The following BAZ2A variants were observed in gnomAD, a reference collection of about 807,000 sequenced individuals.
BAZ2A encodes the protein bromodomain adjacent to zinc finger domain 2A.
In BAZ2A, 34 loss-of-function variants were observed where a neutral mutation model predicts 199.9. The observed-to-expected ratio is 0.17, with a 90% CI of 0.13 to 0.23. BAZ2A has a LOEUF of 0.23. BAZ2A is among the 10% of genes least tolerant of loss of function. The pLI is 1.00. For missense variants in BAZ2A, 2,002 were observed against 2,391.1 expected (o/e 0.84, Z 3.39); for synonymous variants, 857 against 883.9 (o/e 0.97, Z 0.54).
At chr12:56,630,349 A>G, upstream of BAZ2A, 2 of 907,310 alleles carry the variant, frequency 2.2e-6, no homozygotes, top group Non-Finnish European at 2.6e-6. Context: ...GAGGGGGCGG[A>G]GAAGCCTCGG....
rs1389002371 is a variant in BAZ2A at position 56,597,905 on chromosome 12, G to C, written c.*713C>G. On this transcript the variant is annotated 3_prime_UTR_variant, in exon 29 of 29. Coordinates refer to ENST00000549884, the MANE Select transcript of BAZ2A (RefSeq NM_001300905.2). ...CAACATCATACAGGGGATAGCTATC[G>C]GCAGGAAGATGGGGACAGAAGACAG... 1.3e-5 allele frequency: 2 copies of C among 152,614 alleles called. No homozygotes were observed. The highest frequency in any genetic ancestry group is 4.8e-5 in the African/African-American group (2 of 41,430). 9.5% of individuals were successfully genotyped at this position (152,614 alleles called of 1,614,324 possible).
chr12:56,619,508 C>CAAAAAAAAAA (rs397850754), intron 1 of BAZ2A, among the ~76,000 whole-genome samples: 3 of 84,746 alleles, frequency 3.5e-5, no homozygotes, highest in Non-Finnish European at 4.7e-5. Context: ...GACCCTGTCT[C>CAAAAAAAAAA]AAAAAAAAAA....
intron 3 of BAZ2A, among the ~76,000 whole-genome samples, chr12:56,614,568 A>G (rs190005716): frequency 6.6e-6 from 1 of 152,326 alleles, no homozygotes; most frequent in African/African-American, 2.4e-5. Flanking sequence ...GTAGACAAAT[A>G]ATGATATGCT....
intron 1 of BAZ2A, among the ~76,000 whole-genome samples, chr12:56,625,106 A>G (rs1026372607): frequency 6.6e-6 from 1 of 150,820 alleles, no homozygotes; most frequent in Admixed American, 6.6e-5. Flanking sequence ...TCCAGAGGTT[A>G]TATTAAGGTA....
intron 10 of BAZ2A, among the ~76,000 whole-genome samples, chr12:56,607,847 G>A (rs1326256802): frequency 2.6e-5 from 4 of 152,120 alleles, no homozygotes; most frequent in African/African-American, 9.7e-5. Context: ...TTGGGAGGCT[G>A]AAGCAGGCGG....
At position 56,596,024 on chromosome 12, in the gene BAZ2A, T is replaced by C. The variant is rs1885774609; in HGVS notation, c.*2594A>G. ...ATCACATGGCAAAAACAGGAGTTTTTTCGCTAGACTTTTTTTTTCTTTTTA... is the reference window on the plus strand; with the variant it reads ...ATCACATGGCAAAAACAGGAGTTTTCTCGCTAGACTTTTTTTTTCTTTTTA... On this transcript the variant is annotated 3_prime_UTR_variant, in exon 29 of 29. Transcript: ENST00000549884. The C allele has an allele frequency of 6.5e-6, 1 of 152,742 alleles. No individual in the cohort carries two copies. The allele number at this position is 152,742 out of a possible 1,614,324, so 9.5% of individuals were successfully genotyped here. A position where few individuals can be genotyped will look rare whatever the true frequency, so the allele number is the denominator to read the frequency against.
chr12:56,600,458 A>C lies in BAZ2A; in HGVS notation c.4635T>G (p.Arg1545=), dbSNP rs1462103481. Residue 1545 remains arginine (R), a synonymous_variant, in exon 24 of 29, where the codon CGT becomes CGG. Coordinates refer to ENST00000549884, the MANE Select transcript of BAZ2A (RefSeq NM_001300905.2). Reference sequence around the variant, plus strand: ...GGTGCTCACAGTAGGCCAAGTCTTCACGGGTAGAGTCTGGGCTAGGACATG... The same window carrying C: ...GGTGCTCACAGTAGGCCAAGTCTTCCCGGGTAGAGTCTGGGCTAGGACATG... ...GWTCPSPDST[R]EDLAYCEHLS... is the part of the protein sequence containing the mutation. 1 of 1,613,900 alleles carries C rather than the reference A, an allele frequency of 6.2e-7. No individual in the cohort carries two copies.
intron 10 of BAZ2A, 139 bp downstream of exon 10, chr12:56,609,597 C>T (rs1335145571): frequency 3.0e-6 from 3 of 1,007,278 alleles, no homozygotes; most frequent in Non-Finnish European, 4.4e-6. Flanking sequence ...TGCTGGATTC[C>T]AAGGAGAAGC....
At chr12:56,628,177 C>CAAAAAAAAA (rs57372528) in intron 1 of BAZ2A, among the ~76,000 whole-genome samples, 4 of 28,354 alleles carry the variant, frequency 1.4e-4, no homozygotes, top group Non-Finnish European at 2.8e-4. Flanking sequence ...AACTCCGTCT[C>CAAAAAAAAA]AAAAAAAAAA....
chr12:56,598,267 C>T lies in BAZ2A; in HGVS notation c.*351G>A, dbSNP rs901291935. The T allele has an allele frequency of 1.6e-5, 4 of 254,494 alleles. No individual in the cohort carries two copies. The highest frequency in any genetic ancestry group is 2.3e-5 in the African/African-American group (1 of 43,798). The allele number at this position is 254,494 out of a possible 1,614,324, so 15.8% of individuals were successfully genotyped here. On this transcript the variant is annotated 3_prime_UTR_variant, in exon 29 of 29. Coordinates refer to ENST00000549884, the MANE Select transcript of BAZ2A (RefSeq NM_001300905.2). ...TAAATAACCCCAGAATGCTGGGGCA[C>T]GTACAGGGGAGGAGAGGAAGCAGGG...
chr12:56,630,267 G>GGGGGAC lies in BAZ2A; in HGVS notation c.-151_-146dup. ...GGGGTCCGGGGTTCGGGAAGGGGGAGGGGGACGCGGCTCAACCGCGGGGCC... is the reference window on the plus strand; with the variant it reads ...GGGGTCCGGGGTTCGGGAAGGGGGAGGGGGACGGGGACGCGGCTCAACCGCGGGGCC... On this transcript the variant is annotated 5_prime_UTR_variant, in exon 1 of 29. Coordinates refer to ENST00000549884, the MANE Select transcript of BAZ2A (RefSeq NM_001300905.2). 1 of 983,736 alleles carries GGGGGAC rather than the reference G, an allele frequency of 1.0e-6. No individual in the cohort carries two copies. 60.9% of individuals were successfully genotyped at this position (983,736 alleles called of 1,614,324 possible).
chr12:56,605,796 G>C (rs1565814887), intron 13 of BAZ2A, 34 bp downstream of exon 13: 2 of 1,557,498 alleles, frequency 1.3e-6, no homozygotes, highest in Middle Eastern at 3.4e-4. Flanking sequence ...AGTCTTCCCA[G>C]CTGACCCAGG....
chr12:56,614,736 G>A (rs1398845277), intron 3 of BAZ2A, among the ~76,000 whole-genome samples: 1 of 152,196 alleles, frequency 6.6e-6, no homozygotes, highest in Non-Finnish European at 1.5e-5. Flanking sequence ...CTTTCTTGAT[G>A]CAGGGTGTCT....
chr12:56,610,151 G>C lies in BAZ2A; in HGVS notation c.1844C>G (p.Pro615Arg). The C allele has an allele frequency of 1.2e-6, 2 of 1,613,790 alleles. No individual in the cohort carries two copies. The highest frequency in any genetic ancestry group is 1.7e-6 in the Non-Finnish European group (2 of 1,179,850). ...TCTTTCTTCAAAGAAATCTCCAACA[G>C]GCATACGGGGACTGAAGCTGAAGTG... ...REHFSFSPRM[P>R]VGDFFEERDT... Residue 615 changes from proline to arginine, a missense_variant, in exon 9 of 29, where the codon CCT becomes CGT. Around this residue, in one of 6 missense-constraint regions of BAZ2A, gnomAD observed 74 missense variants for 126.1 expected, o/e 0.59. Transcript: ENST00000549884.
chr12:56,638,279 G>A, upstream of BAZ2A: 1 of 1,521,126 alleles, frequency 6.6e-7, no homozygotes, highest in Non-Finnish European at 9.0e-7. Context: ...GAAGCTTTTT[G>A]GGTTAGGGGC....
chr12:56,606,818 C>G (rs1266545113), intron 10 of BAZ2A, 85 bp from the exon 11 acceptor site: 1 of 1,109,326 alleles, frequency 9.0e-7, no homozygotes, highest in Non-Finnish European at 1.4e-6. Context: ...CGTCTCAAAG[C>G]TGGCCTCCCA....
chr12:56,634,835 A>G (rs1951408239), upstream of BAZ2A: 2 of 886,368 alleles, frequency 2.3e-6, no homozygotes, highest in Non-Finnish European at 2.7e-6. Context: ...CAGCTCCCTC[A>G]GGGGGAGAGT....
chr12:56,611,723 G>A (rs1451671330), intron 6 of BAZ2A, 50 bp downstream of exon 6: 2 of 1,522,748 alleles, frequency 1.3e-6, no homozygotes, highest in Non-Finnish European at 1.8e-6. Context: ...ACATGGGACA[G>A]AAAAGTTTCT....
chr12:56,628,198 AAGAC>A (rs1951172231), intron 1 of BAZ2A, among the ~76,000 whole-genome samples: 2 of 149,810 alleles, frequency 1.3e-5, no homozygotes, highest in South Asian at 2.1e-4. Context: ...AAAAAAAAAA[AAGAC>A]AGAAAGAAAA....
Sources: allele counts gnomAD v4.1 joint callset (sites outside exome capture counted in the v4.1 genomes callset), GRCh38; gene constraint gnomAD v4.1.1; regional missense constraint gnomAD v4.1.1; transcripts MANE v1.5; gene names NCBI Gene and HGNC (gene_info 2026-07-23, HGNC 2026-07-21).